TNS1: variants seen among roughly 807,000 people sequenced by gnomAD.
TNS1 encodes the protein tensin 1, also known as tensin-1.
Under a neutral mutation model 168.6 loss-of-function variants are expected in TNS1, and 62 were observed. The observed-to-expected ratio is 0.37, with a 90% confidence interval of 0.30 to 0.45. The LOEUF (loss-of-function observed/expected upper bound fraction) is 0.45. Ranked by LOEUF, TNS1 falls within the 20% of genes least tolerant of loss-of-function variation. The probability of loss-of-function intolerance (pLI) is 1.00; values close to 1 mark genes in which losing one functional copy is unlikely to be tolerated. For missense variants in TNS1, 2,240 were observed against 2,339.4 expected, an observed-to-expected ratio of 0.96 and a Z score of 0.88; for synonymous variants, 934 against 933.2, an observed-to-expected ratio of 1.00 and a Z score of -0.02.
intron 19 of TNS1, among the ~76,000 whole-genome samples, chr2:217,838,258 T>C (rs972374395): frequency 2.0e-5 from 3 of 152,206 alleles, no homozygotes; most frequent in Non-Finnish European, 4.4e-5. Context: ...CTGTTTGCAT[T>C]TGAGGCACCG....
chr2:217,978,308 C>T (rs887729037), intron 3 of TNS1, among the ~76,000 whole-genome samples: 1 of 152,228 alleles, frequency 6.6e-6, no homozygotes, highest in Non-Finnish European at 1.5e-5. Context: ...ATCCCACCCA[C>T]CCGCTTCTCC....
intron 19 of TNS1, among the ~76,000 whole-genome samples, chr2:217,842,703 C>A (rs75018222): frequency 0.037 from 5,588 of 152,272 alleles, 252 homozygotes; most frequent in African/African-American, 0.11. Context: ...AGCCACCATT[C>A]TTACAATCAC....
intron 3 of TNS1, among the ~76,000 whole-genome samples, chr2:217,947,358 T>C (rs3791896): frequency 0.42 from 63,990 of 151,624 alleles, 19,167 homozygotes; most frequent in African/African-American, 0.86. Context: ...GGTGAGGAGA[T>C]ACAGAACCGA....
chr2:217,858,506 G>A (rs1290527133), intron 18 of TNS1: 2 of 986,006 alleles, frequency 2.0e-6, no homozygotes, highest in East Asian at 1.1e-4. Flanking sequence ...TGGAGGGAGG[G>A]AGGGAGAGGG....
At chr2:217,808,380 G>T (rs1294336340) in intron 31 of TNS1, among the ~76,000 whole-genome samples, 2 of 152,140 alleles carry the variant, frequency 1.3e-5, no homozygotes, top group South Asian at 4.1e-4. Context: ...ATGGCAGAGG[G>T]GGTAGCAGTG....
chr2:217,878,630 C>A (rs1242297461), intron 18 of TNS1, among the ~76,000 whole-genome samples: 2 of 152,210 alleles, frequency 1.3e-5, no homozygotes, highest in Non-Finnish European at 2.9e-5. Flanking sequence ...CCACAGCTGA[C>A]ACAAATGTGT....
intron 22 of TNS1, chr2:217,829,858 A>G (rs374469332): frequency 6.2e-7 from 1 of 1,614,058 alleles, no homozygotes. Context: ...TGACAGCCTG[A>G]CCACCACCTT....
At chr2:217,884,744 G>A (rs1347493103) in intron 16 of TNS1, among the ~76,000 whole-genome samples, 1 of 152,186 alleles carries the variant, frequency 6.6e-6, no homozygotes, top group Non-Finnish European at 1.5e-5. Flanking sequence ...GTGACAAACT[G>A]GGAGGACAAG....
Position 217,876,060 on chromosome 2 carries a change from A to T in TNS1, c.1429+4838T>A, listed in dbSNP as rs1470139469. ...TCTGAGAGCACCCCTCACTTGCCCA[A>T]CCCCTGTTCCCATCCTCTCTGTTGA... On this transcript the variant is annotated intron_variant, in intron 18 of 32. Transcript: ENST00000682258. 2.0e-5 allele frequency among the ~76,000 whole-genome samples: 3 copies of T among 152,198 alleles called. No homozygotes were observed. In the East Asian group the frequency reaches 5.8e-4, roughly 29 times the overall value.
chr2:217,835,030 A>C lies in TNS1; in HGVS notation c.3280+61T>G, dbSNP rs181110312. 2.8e-5 allele frequency: 40 copies of C among 1,454,322 alleles called. No individual in the cohort carries two copies. The East Asian group carries it at 8.0e-4, about 29-fold the overall frequency. The allele number at this position is 1,454,322 out of a possible 1,614,324, so 90.1% of individuals were successfully genotyped here. A position where few individuals can be genotyped will look rare whatever the true frequency, so the allele number is the denominator to read the frequency against. On this transcript the variant is annotated intron_variant, in intron 21 of 32. Transcript: ENST00000682258. ...TCAGGCCTGGGGCACTCCCACAGGC[A>C]GGGTTGAGCTGAGGGGCTGGAGGGT...
At position 217,848,991 on chromosome 2, in the gene TNS1, G is replaced by A; in HGVS notation, c.1526C>T (p.Ala509Val). ...SLHGSTGAVN[A>V]TRPTLSATPN... The stretch of plus-strand genomic sequence containing the variant: ...GGTGGCCGACAGTGTAGGACGTGTG[G>A]CATTAACAGCCCCGGTGCTGCCGTG... Residue 509 changes from alanine to valine, a missense_variant, in exon 19 of 33, where the codon GCC (alanine) becomes GTC (valine). Ala to Val is a moderately conservative substitution (Grantham distance 64). This residue lies in a region of TNS1 where 2,131 missense variants were observed against 2,171.2 expected (regional missense o/e 0.98). Transcript: ENST00000682258. 1.9e-6 allele frequency: 3 copies of A among 1,614,082 alleles called. No homozygotes were observed. The highest frequency in any genetic ancestry group is 2.5e-6 in the Non-Finnish European group (3 of 1,180,008).
intron 18 of TNS1, among the ~76,000 whole-genome samples, chr2:217,865,389 T>A (rs1476510568): frequency 1.3e-5 from 2 of 152,084 alleles, no homozygotes; most frequent in Non-Finnish European, 2.9e-5. Context: ...TGCCTTTGCA[T>A]CACATGAGGA....
At chr2:217,984,607 GCCT>G (rs1958143924) in intron 2 of TNS1, among the ~76,000 whole-genome samples, 1 of 151,890 alleles carries the variant, frequency 6.6e-6, no homozygotes, top group African/African-American at 2.4e-5. Flanking sequence ...TCCCACCTCA[GCCT>G]CTGGAGTATC....
chr2:217,990,843 A>G (rs1958348356), intron 2 of TNS1, 99 bp downstream of exon 2: 1 of 252,484 alleles, frequency 4.0e-6, no homozygotes, highest in East Asian at 7.9e-5. Flanking sequence ...TTGGGACCCC[A>G]AGGATGTGTG....
chr2:217,828,080 T>G (rs1470652235), intron 22 of TNS1, among the ~76,000 whole-genome samples: 1 of 152,140 alleles, frequency 6.6e-6, no homozygotes, highest in Non-Finnish European at 1.5e-5. Context: ...CTAGACTCTC[T>G]CTCCCAGCTC....
intron 3 of TNS1, among the ~76,000 whole-genome samples, chr2:217,960,330 G>C (rs1957466686): frequency 6.6e-6 from 1 of 152,076 alleles, no homozygotes; most frequent in African/African-American, 2.4e-5. Context: ...AATGCTCACT[G>C]ATACTAGCCC....
chr2:217,917,933 G>A (rs1190021339), intron 4 of TNS1, among the ~76,000 whole-genome samples: 3 of 151,694 alleles, frequency 2.0e-5, no homozygotes, highest in South Asian at 4.2e-4. Context: ...AAGGCCTGGA[G>A]GCATCATATA....
chr2:217,867,437 T>C (rs1380067419), intron 18 of TNS1, among the ~76,000 whole-genome samples: 4 of 152,268 alleles, frequency 2.6e-5, no homozygotes, highest in African/African-American at 7.2e-5. Context: ...GCTTAAATGT[T>C]TCTATGATTT....
chr2:217,811,868 AG>A (rs1455019964), intron 28 of TNS1, among the ~76,000 whole-genome samples: 1 of 152,202 alleles, frequency 6.6e-6, no homozygotes, highest in Non-Finnish European at 1.5e-5. Context: ...CTAACAGCTC[AG>A]CATCCCCTTA....
Sources: gnomAD v4.1 joint callset for allele counts (sites outside exome capture counted in the v4.1 genomes callset) on GRCh38, gnomAD v4.1.1 for gene constraint, gnomAD v4.1.1 regional missense constraint, MANE v1.5 for transcripts, NCBI Gene and HGNC (gene_info 2026-07-23, HGNC 2026-07-21) for gene names.